CAMK2B: variants seen among roughly 807,000 people sequenced by gnomAD.
CAMK2B encodes calcium/calmodulin dependent protein kinase II beta.
Under a neutral mutation model 93.7 loss-of-function variants are expected in CAMK2B, and 27 were observed. That is an observed-to-expected ratio of 0.29 (90% CI 0.21 to 0.40). The LOEUF is 0.40. Ranked by LOEUF, CAMK2B falls within the 10% of genes least tolerant of loss-of-function variation. The pLI is 1.00. For missense variants in CAMK2B, 568 were observed against 895.8 expected, an observed-to-expected ratio of 0.63 and a Z score of 4.67; for synonymous variants, 374 against 358.8, an observed-to-expected ratio of 1.04 and a Z score of -0.48.
chr7:44,247,288 G>A, intron 5 of CAMK2B, 96 bp from the exon 6 acceptor site: 1 of 976,512 alleles, frequency 1.0e-6, no homozygotes. Flanking sequence ...TGGCCTGGGG[G>A]GACCAGGGGG....
At chr7:44,307,850 G>A (rs1426603440) in intron 1 of CAMK2B, among the ~76,000 whole-genome samples, 3 of 152,078 alleles carry the variant, frequency 2.0e-5, no homozygotes, top group African/African-American at 4.8e-5. Context: ...GCTGTCATCC[G>A]TACTTCAACT....
chr7:44,317,249 A>G (rs1194001861), intron 1 of CAMK2B, among the ~76,000 whole-genome samples: 2 of 84,626 alleles, frequency 2.4e-5, no homozygotes, highest in African/African-American at 4.9e-5. Context: ...AGGAAAAATG[A>G]AAAAAAAAAA....
chr7:44,324,270 A>G (rs1201531852), intron 1 of CAMK2B, among the ~76,000 whole-genome samples: 2 of 152,244 alleles, frequency 1.3e-5, no homozygotes, highest in African/African-American at 4.8e-5. Flanking sequence ...CAGCACCGCC[A>G]GCGCCCCCAC....
intron 18 of CAMK2B, 24 bp from the exon 19 acceptor site, chr7:44,228,948 G>A (rs2096549795): frequency 1.9e-6 from 3 of 1,607,384 alleles, no homozygotes; most frequent in East Asian, 4.5e-5. Flanking sequence ...GATGAGACGT[G>A]AACATGAGGC....
intron 19 of CAMK2B, among the ~76,000 whole-genome samples, chr7:44,228,572 G>C (rs1022536626): frequency 6.6e-6 from 1 of 152,118 alleles, no homozygotes; most frequent in Non-Finnish European, 1.5e-5. Flanking sequence ...GTGGCAGTGG[G>C]AGCAGGAGCC....
rs935884709 is a variant in CAMK2B, at chr7:44,316,705, A to G, written c.65+8652T>C. ...GTCAGTCTCTACTTGTTATAGGTCT[A>G]TTCAGATTTTCTATTTCTTCTTGAG... On this transcript the variant is annotated intron_variant, in intron 1 of 23. Transcript: ENST00000395749. Among the ~76,000 whole-genome samples, 13 of 152,324 alleles carry G rather than the reference A, an allele frequency of 8.5e-5. No homozygotes were observed. In the South Asian group the frequency reaches 2.1e-3, roughly 24 times the overall value.
At chr7:44,262,002 C>T (rs968156059) in intron 3 of CAMK2B, among the ~76,000 whole-genome samples, 60 of 152,216 alleles carry the variant, frequency 3.9e-4, no homozygotes, top group Non-Finnish European at 7.9e-4. Context: ...TTGGGGCTGC[C>T]GCTTTCCATG....
At chr7:44,247,056 T>C (rs766369109) in intron 6 of CAMK2B, 64 bp downstream of exon 6, 1 of 1,370,058 alleles carries the variant, frequency 7.3e-7, no homozygotes, top group Non-Finnish European at 1.0e-6. Context: ...CCCTCACACT[T>C]CCTTGTACAC....
chr7:44,239,378 CCT>C (rs1184964144), intron 13 of CAMK2B, among the ~76,000 whole-genome samples: 1 of 152,246 alleles, frequency 6.6e-6, no homozygotes, highest in African/African-American at 2.4e-5. Flanking sequence ...CCCAGCCCCT[CCT>C]CTTACAGGCG....
intron 2 of CAMK2B, among the ~76,000 whole-genome samples, chr7:44,283,222 C>T (rs1784187033): frequency 6.6e-6 from 1 of 152,284 alleles, no homozygotes; most frequent in African/African-American, 2.4e-5. Flanking sequence ...CGGGAGGCCT[C>T]TGCCCATCAT....
chr7:44,321,520 TTGTC>T (rs1313812619), intron 1 of CAMK2B, among the ~76,000 whole-genome samples: 1 of 152,210 alleles, frequency 6.6e-6, no homozygotes. Context: ...CTTCGGTTCT[TTGTC>T]TGTAAAATGG....
intron 1 of CAMK2B, among the ~76,000 whole-genome samples, chr7:44,322,168 A>C (rs1480516325): frequency 2.0e-5 from 3 of 152,246 alleles, no homozygotes; most frequent in African/African-American, 7.2e-5. Context: ...GCGATCAAAC[A>C]CATCGACGAG....
intron 20 of CAMK2B, among the ~76,000 whole-genome samples, chr7:44,222,403 G>A (rs2096419413): frequency 1.3e-5 from 2 of 152,006 alleles, no homozygotes; most frequent in South Asian, 2.1e-4. Flanking sequence ...CCACATACAT[G>A]CAACCTGTCT....
chr7:44,234,794 G>C, intron 13 of CAMK2B, 118 bp from the exon 14 acceptor site: 1 of 1,113,540 alleles, frequency 9.0e-7, no homozygotes, highest in Non-Finnish European at 1.3e-6. Flanking sequence ...GGGTCCTGAG[G>C]CAAGTGTGGT....
In CAMK2B at chr7:44,230,814, T is replaced by C. The variant is rs571156146; in HGVS notation, c.1225+192A>G. 9.2e-5 allele frequency among the ~76,000 whole-genome samples: 14 copies of C among 152,234 alleles called. No homozygotes were observed. In the East Asian group the frequency reaches 2.7e-3, roughly 29 times the overall value. On this transcript the variant is annotated intron_variant, in intron 17 of 23. Coordinates refer to ENST00000395749, the MANE Select transcript of CAMK2B (RefSeq NM_001220.5). ...GCCCAGCTGTCGGTCATCTCTGCCATGCTTCTCCGCTCTGGGCAGGCCTGA... is the reference window on the plus strand; with the variant it reads ...GCCCAGCTGTCGGTCATCTCTGCCACGCTTCTCCGCTCTGGGCAGGCCTGA...
intron 16 of CAMK2B, 34 bp from the exon 17 acceptor site, chr7:44,231,088 C>A (rs376136708): frequency 1.3e-6 from 2 of 1,523,436 alleles, no homozygotes; most frequent in African/African-American, 1.4e-5. Flanking sequence ...GGTCAGGATG[C>A]GGCCAAGGAT....
In CAMK2B at chr7:44,258,985, G is replaced by A. The variant is rs2096856990; in HGVS notation, c.221-59C>T. On this transcript the variant is annotated intron_variant, in intron 3 of 23. Transcript: ENST00000395749. ...ATAGCCCAGGACACACCTCCTGCCT[G>A]CCTCCGTACCTGTCCAGGCACACCA... The A allele has an allele frequency of 1.7e-5, 24 of 1,451,618 alleles. No homozygotes were observed. The South Asian group carries it at 2.8e-4, about 17-fold the overall frequency. The allele number at this position is 1,451,618 out of a possible 1,614,324, so 89.9% of individuals were successfully genotyped here.
intron 2 of CAMK2B, among the ~76,000 whole-genome samples, chr7:44,275,553 A>C (rs2129069733): frequency 6.6e-6 from 1 of 152,374 alleles, no homozygotes; most frequent in South Asian, 2.1e-4. Flanking sequence ...TGCCCAGTTA[A>C]ATGACAAAGG....
At chr7:44,285,081 T>C (rs1255943621) in intron 1 of CAMK2B, among the ~76,000 whole-genome samples, 3 of 152,006 alleles carry the variant, frequency 2.0e-5, no homozygotes, top group Non-Finnish European at 4.4e-5. Flanking sequence ...GAGGAGCTCC[T>C]GCCCTGGCTT....
Sources: gnomAD v4.1 joint callset for allele counts (sites outside exome capture counted in the v4.1 genomes callset) on GRCh38, gnomAD v4.1.1 for gene constraint, MANE v1.5 for transcripts, NCBI Gene and HGNC (gene_info 2026-07-23, HGNC 2026-07-21) for gene names.